SSH2: variants seen among roughly 807,000 people sequenced by gnomAD.
SSH2 encodes the protein protein phosphatase Slingshot homolog 2.
In SSH2, 37 loss-of-function variants were observed where a neutral mutation model predicts 135.2. The observed-to-expected ratio is 0.27, with a 90% CI of 0.21 to 0.36. The LOEUF is 0.36. SSH2 is among the 10% of genes least tolerant of loss of function. The pLI, the probability that SSH2 is intolerant of heterozygous loss-of-function variation, is 1.00. For missense variants in SSH2, 1,408 were observed against 1,765.3 expected, an observed-to-expected ratio of 0.80 and a Z score of 3.63; for synonymous variants, 628 against 646.2, an observed-to-expected ratio of 0.97 and a Z score of 0.43.
intron 4 of SSH2, among the ~76,000 whole-genome samples, chr17:29,699,493 G>T (rs142141569): frequency 2.6e-5 from 4 of 152,138 alleles, no homozygotes; most frequent in Non-Finnish European, 4.4e-5. Context: ...CATCTGTTCC[G>T]GTCTGGATCA....
Position 29,756,119 on chromosome 17 carries a change from A to G in SSH2, c.188+37775T>C, listed in dbSNP as rs371570512. Reference sequence around the variant, plus strand: ...CGTCTCTACTAAAAAAAGAAAGAAAAAAAATTAGCCAGGCGTGGTGGTGCA... The same window carrying G: ...CGTCTCTACTAAAAAAAGAAAGAAAGAAAATTAGCCAGGCGTGGTGGTGCA... On this transcript the variant is annotated intron_variant, in intron 3 of 15. Coordinates refer to ENST00000540801, the MANE Select transcript of SSH2 (RefSeq NM_001282129.2). 3.7e-3 allele frequency among the ~76,000 whole-genome samples: 554 copies of G among 151,646 alleles called. 2 individuals are homozygous for G. Among genetic ancestry groups the G allele is most frequent in the African/African-American group, 0.013 (535 of 41,488 alleles).
At chr17:29,825,758 A>C (rs780185870) in intron 2 of SSH2, among the ~76,000 whole-genome samples, 3 of 152,178 alleles carry the variant, frequency 2.0e-5, no homozygotes, top group Non-Finnish European at 4.4e-5. Context: ...CATAAGAGGA[A>C]TTGTTATGGG....
intron 3 of SSH2, chr17:29,761,352 C>T (rs2041294694): frequency 9.3e-7 from 1 of 1,075,336 alleles, no homozygotes; most frequent in Non-Finnish European, 1.1e-6. Flanking sequence ...GCTGCGCGTG[C>T]ACCCGGCGGC....
chr17:29,759,762 G>A (rs1462795010), intron 3 of SSH2, among the ~76,000 whole-genome samples: 2 of 152,020 alleles, frequency 1.3e-5, no homozygotes, highest in African/African-American at 4.8e-5. Flanking sequence ...CCTTCCTTAA[G>A]GCTAAATAAT....
chr17:29,695,324 C>T, intron 5 of SSH2, 135 bp downstream of exon 5: 2 of 588,228 alleles, frequency 3.4e-6, no homozygotes, highest in Non-Finnish European at 2.9e-6. Context: ...AATTATTTCA[C>T]AACACTCCAC....
chr17:29,767,959 T>C (rs1399402591), intron 3 of SSH2, among the ~76,000 whole-genome samples: 1 of 152,106 alleles, frequency 6.6e-6, no homozygotes, highest in East Asian at 1.9e-4. Flanking sequence ...CACCTAGAGG[T>C]GGAATTGGCA....
chr17:29,880,814 A>AT (rs961918934), intron 1 of SSH2, among the ~76,000 whole-genome samples: 3 of 152,182 alleles, frequency 2.0e-5, no homozygotes, highest in African/African-American at 4.8e-5. Flanking sequence ...TAAAAATAAC[A>AT]TTTTTTGTGT....
intron 1 of SSH2, among the ~76,000 whole-genome samples, chr17:29,925,881 TAA>T (rs2067054960): frequency 1.3e-5 from 2 of 152,150 alleles, no homozygotes; most frequent in East Asian, 1.9e-4. Flanking sequence ...TTTTGTCCAT[TAA>T]AAGTTAATAC....
intron 1 of SSH2, among the ~76,000 whole-genome samples, chr17:29,877,600 T>A (rs547475123): frequency 1.3e-5 from 2 of 152,306 alleles, no homozygotes; most frequent in East Asian, 3.9e-4. Flanking sequence ...AGGTCATTAC[T>A]TTAAGTGAAA....
In SSH2 at chr17:29,631,422, C is replaced by T; in HGVS notation, c.3772G>A (p.Val1258Met). 1 of 1,614,196 alleles carries T rather than the reference C, an allele frequency of 6.2e-7. No individual in the cohort carries two copies. The highest frequency in any genetic ancestry group is 8.5e-7 in the Non-Finnish European group (1 of 1,180,038). ...TCGATTTCTTTAGCACGCTCCTTCA[C>T]CACACCGGGGCTGTGGCTGAGACTC... ...IKSLSHSPGVVKERAKEIESR... is the reference protein window; with the variant it reads ...IKSLSHSPGVMKERAKEIESR... The change falls in exon 16 of 16, where the codon GTG becomes ATG. Residue 1258 changes from valine (V) to methionine (M), a missense_variant. Physicochemically the swap from Val to Met is conservative, Grantham distance 21. Coordinates refer to ENST00000540801, the MANE Select transcript of SSH2 (RefSeq NM_001282129.2).
chr17:29,889,144 A>G (rs1335591476), intron 1 of SSH2, among the ~76,000 whole-genome samples: 2 of 152,026 alleles, frequency 1.3e-5, no homozygotes, highest in African/African-American at 4.8e-5. Context: ...GTAAGAGAAA[A>G]ATCATAAAAC....
chr17:29,659,326 T>C (rs961847868), intron 11 of SSH2, among the ~76,000 whole-genome samples: 2 of 152,194 alleles, frequency 1.3e-5, no homozygotes, highest in Non-Finnish European at 2.9e-5. Flanking sequence ...CCACCAGCAA[T>C]GCATCAGAGC....
In SSH2 at chr17:29,929,800, G is replaced by T. The variant is rs560149491; in HGVS notation, c.63+138C>A. ...CTGCTAGTCTTTAACATGGGGGTGT[G>T]GGGGGGTTCGCGGCAGCCGAGTGCC... On this transcript the variant is annotated intron_variant, in intron 1 of 15. Transcript: ENST00000540801. 1.7e-5 allele frequency: 13 copies of T among 744,780 alleles called. No individual in the cohort carries two copies. The Admixed American group carries it at 1.9e-4, about 11-fold the overall frequency. The allele number at this position is 744,780 out of a possible 1,614,324, so 46.1% of individuals were successfully genotyped here.
intron 3 of SSH2, among the ~76,000 whole-genome samples, chr17:29,736,689 A>T (rs547670877): frequency 2.1e-5 from 3 of 144,872 alleles, no homozygotes; most frequent in Non-Finnish European, 4.5e-5. Flanking sequence ...CAGGAGGCTG[A>T]GGCAGGAGAC....
intron 2 of SSH2, among the ~76,000 whole-genome samples, chr17:29,797,089 G>T (rs1472365424): frequency 6.6e-6 from 1 of 150,808 alleles, no homozygotes; most frequent in African/African-American, 2.4e-5. Context: ...CTCCCAGAGT[G>T]CTGGGATTAC....
chr17:29,928,181 G>C (rs2067103400), intron 1 of SSH2: 1 of 192,412 alleles, frequency 5.2e-6, no homozygotes, highest in South Asian at 1.9e-4. Context: ...ATCAGGCCTA[G>C]TAACCACAAA....
intron 3 of SSH2, among the ~76,000 whole-genome samples, chr17:29,791,564 G>A (rs570916883): frequency 5.3e-5 from 8 of 152,326 alleles, no homozygotes; most frequent in African/African-American, 1.9e-4. Flanking sequence ...TCTGTGGTGA[G>A]TGATGGAGAA....
At chr17:29,661,722 C>T (rs944839858) in intron 11 of SSH2, among the ~76,000 whole-genome samples, 3 of 152,186 alleles carry the variant, frequency 2.0e-5, no homozygotes, top group Admixed American at 6.6e-5. Context: ...CTAAATCCTT[C>T]GTGGAACTCT....
intron 3 of SSH2, among the ~76,000 whole-genome samples, chr17:29,719,268 A>C (rs915828624): frequency 6.6e-6 from 1 of 152,222 alleles, no homozygotes; most frequent in Admixed American, 6.5e-5. Flanking sequence ...TTACAATGGC[A>C]CGTCCATCAA....
Sources: gnomAD v4.1 joint callset for allele counts (sites outside exome capture counted in the v4.1 genomes callset) on GRCh38, gnomAD v4.1.1 for gene constraint, MANE v1.5 for transcripts, NCBI Gene and HGNC (gene_info 2026-07-23, HGNC 2026-07-21) for gene names.